TMEM178A: variants seen among roughly 807,000 people sequenced by gnomAD.
The protein encoded by TMEM178A is transmembrane protein 178A.
A neutral mutation model predicts 29.1 loss-of-function variants in TMEM178A; 12 were observed. That is an observed-to-expected ratio of 0.41 (90% CI 0.26 to 0.67). The LOEUF is 0.67. TMEM178A is among the 30% of genes least tolerant of loss of function. The probability of loss-of-function intolerance (pLI) is 0.29; values close to 1 mark genes in which losing one functional copy is unlikely to be tolerated. For missense variants in TMEM178A, 366 were observed against 419.1 expected (o/e 0.87, Z 1.11); for synonymous variants, 210 against 187.2 (o/e 1.12, Z -0.99).
At chr2:39,713,438 T>TA (rs1251383043) in intron 3 of TMEM178A, among the ~76,000 whole-genome samples, 1 of 152,202 alleles carries the variant, frequency 6.6e-6, no homozygotes. Flanking sequence ...CTTTGTCCCC[T>TA]ACCTCAGAAC....
intron 1 of TMEM178A, among the ~76,000 whole-genome samples, chr2:39,689,958 G>C (rs1306690687): frequency 6.6e-6 from 1 of 152,176 alleles, no homozygotes; most frequent in South Asian, 2.1e-4. Context: ...AATGCCAAGA[G>C]AGACCACCTT....
intron 1 of TMEM178A, among the ~76,000 whole-genome samples, chr2:39,668,891 A>G (rs1185622453): frequency 1.3e-5 from 2 of 152,230 alleles, no homozygotes; most frequent in African/African-American, 4.8e-5. Flanking sequence ...TCCTGGCTCA[A>G]AGATGATTTT....
At chr2:39,692,955 C>A in intron 1 of TMEM178A, among the ~76,000 whole-genome samples, 1 of 152,088 alleles carries the variant, frequency 6.6e-6, no homozygotes, top group Non-Finnish European at 1.5e-5. Flanking sequence ...GCTTAATTAA[C>A]CTTACAATTT....
At chr2:39,701,951 C>T (rs1463567809) in intron 1 of TMEM178A, among the ~76,000 whole-genome samples, 1 of 151,972 alleles carries the variant, frequency 6.6e-6, no homozygotes, top group Non-Finnish European at 1.5e-5. Context: ...CTCATCCTTT[C>T]CTTTAGTTAT....
intron 1 of TMEM178A, among the ~76,000 whole-genome samples, chr2:39,683,247 C>T (rs1472659655): frequency 6.6e-6 from 1 of 152,204 alleles, no homozygotes; most frequent in African/African-American, 2.4e-5. Flanking sequence ...TGGGAAGCCT[C>T]CTACCTCCTC....
chr2:39,697,594 C>T (rs922252681), intron 1 of TMEM178A, among the ~76,000 whole-genome samples: 1 of 152,188 alleles, frequency 6.6e-6, no homozygotes, highest in African/African-American at 2.4e-5. Context: ...TTGTTACTGT[C>T]AGCCCACACC....
intron 1 of TMEM178A, among the ~76,000 whole-genome samples, chr2:39,681,042 G>T (rs1358772550): frequency 6.6e-6 from 1 of 151,426 alleles, no homozygotes; most frequent in Non-Finnish European, 1.5e-5. Flanking sequence ...GCCACATATT[G>T]CAATTGGGAT....
the TMEM178A span, among the ~76,000 whole-genome samples, chr2:39,727,836 G>C: frequency 6.6e-6 from 1 of 151,792 alleles, no homozygotes; most frequent in Non-Finnish European, 1.5e-5. Flanking sequence ...CCCTGTGACA[G>C]TTTGCTGAGA....
At chr2:39,719,367 G>A (rs577038500), downstream of TMEM178A, among the ~76,000 whole-genome samples, 1 of 152,278 alleles carries the variant, frequency 6.6e-6, no homozygotes, top group African/African-American at 2.4e-5. Flanking sequence ...AGAAAGCCTC[G>A]CGGTAGCAGG....
Position 39,717,148 on chromosome 2 carries a change from G to A in TMEM178A, c.791G>A (p.Ser264Asn), listed in dbSNP as rs747239449. ...YSWSIFCAWC[S>N]LGFIVAAGGL... ...TGGTCCATCTTTTGCGCCTGGTGCA[G>A]TTTAGGCTTTATTGTGGCAGCTGGA... Residue 264 changes from serine (S) to asparagine (N), a missense_variant, in exon 4 of 4, where the codon AGT becomes AAT. Ser to Asn is a conservative substitution (Grantham distance 46, BLOSUM62 1). Transcript: ENST00000281961. The A allele has an allele frequency of 1.2e-6, 2 of 1,612,994 alleles. No individual in the cohort carries two copies. The highest frequency in any genetic ancestry group is 1.1e-5 in the South Asian group (1 of 90,980).
rs943943126 is a variant in TMEM178A, at chr2:39,717,544, T to G, written c.*293T>G. The G allele has an allele frequency of 3.8e-6, 1 of 264,368 alleles. No homozygotes were observed. The highest frequency in any genetic ancestry group is 7.1e-6 in the Non-Finnish European group (1 of 140,112). 16.4% of individuals were successfully genotyped at this position (264,368 alleles called of 1,614,324 possible). On this transcript the variant is annotated 3_prime_UTR_variant, in exon 4 of 4. Transcript: ENST00000281961. ...AACTGCAATGGAAAAATTTGTATGA[T>G]TTCCATTTATTTCAGAAAGTTTGTA...
At chr2:39,708,711 C>T (rs540840288) in intron 3 of TMEM178A, among the ~76,000 whole-genome samples, 46 of 152,126 alleles carry the variant, frequency 3.0e-4, no homozygotes, top group African/African-American at 8.0e-4. Context: ...GCCACCGCGC[C>T]CGGCCGATTT....
rs781630043 is a variant in TMEM178A, at chr2:39,666,006, G to A, written c.32G>A (p.Ser11Asn). 6.7e-7 allele frequency: 1 copy of A among 1,501,546 alleles called. No individual in the cohort carries two copies. Among genetic ancestry groups the A allele is most frequent in the Admixed American group, 2.2e-5 (1 of 44,854 alleles). The allele number at this position is 1,501,546 out of a possible 1,614,324, so 93.0% of individuals were successfully genotyped here. ...CCGCGGGCGCTCGTCACGGCGCTCAGCCTCGGCCTCAGCCTGTGCTCCCTG... is the reference window on the plus strand; with the variant it reads ...CCGCGGGCGCTCGTCACGGCGCTCAACCTCGGCCTCAGCCTGTGCTCCCTG... MEPRALVTAL[S>N]LGLSLCSLGL... The change falls in exon 1 of 4, where the codon AGC becomes AAC. Residue 11 changes from serine (S) to asparagine (N), a missense_variant. This residue lies in a region of TMEM178A where 247 missense variants were observed against 246.8 expected (regional missense o/e 1.00). Coordinates refer to ENST00000281961, the MANE Select transcript of TMEM178A (RefSeq NM_152390.3).
At chr2:39,704,224 G>C (rs1296255055) in intron 2 of TMEM178A, 30 bp downstream of exon 2, 13 of 1,589,424 alleles carry the variant, frequency 8.2e-6, no homozygotes, top group Non-Finnish European at 1.0e-5. Flanking sequence ...GTTCAGAGAG[G>C]AAATGGTGTC....
chr2:39,680,815 A>G (rs1670836970), intron 1 of TMEM178A, among the ~76,000 whole-genome samples: 1 of 152,202 alleles, frequency 6.6e-6, no homozygotes, highest in African/African-American at 2.4e-5. Flanking sequence ...TCATGAGAGT[A>G]TTTAATACTC....
chr2:39,670,040 A>G (rs1355723246), intron 1 of TMEM178A, among the ~76,000 whole-genome samples: 1 of 152,196 alleles, frequency 6.6e-6, no homozygotes, highest in Non-Finnish European at 1.5e-5. Context: ...ATGCTGAGGA[A>G]GCTTTGCTGA....
intron 3 of TMEM178A, among the ~76,000 whole-genome samples, chr2:39,712,228 G>A (rs1371080606): frequency 1.3e-5 from 2 of 152,026 alleles, no homozygotes; most frequent in East Asian, 1.9e-4. Context: ...TGAAGGAGCA[G>A]GGGAAAAAAA....
intron 1 of TMEM178A, among the ~76,000 whole-genome samples, chr2:39,688,347 C>A (rs773778985): frequency 3.9e-5 from 6 of 152,192 alleles, no homozygotes; most frequent in African/African-American, 1.4e-4. Context: ...TTTAGAGATG[C>A]CTGTGGAGCT....
At chr2:39,670,596 C>A (rs1204846323) in intron 1 of TMEM178A, among the ~76,000 whole-genome samples, 1 of 152,164 alleles carries the variant, frequency 6.6e-6, no homozygotes, top group Non-Finnish European at 1.5e-5. Context: ...CTGTTCTCTC[C>A]CAAGTGCAGT....
Sources: allele counts gnomAD v4.1 joint callset (sites outside exome capture counted in the v4.1 genomes callset), GRCh38; gene constraint gnomAD v4.1.1; regional missense constraint gnomAD v4.1.1; transcripts MANE v1.5; gene names NCBI Gene and HGNC (gene_info 2026-07-23, HGNC 2026-07-21).